Variants in MECOM observed in about 807,000 individuals in gnomAD.
MECOM encodes MDS1 and EVI1 complex locus.
Under a neutral mutation model 116.3 loss-of-function variants are expected in MECOM, and 13 were observed. The observed-to-expected ratio is 0.11, with a 90% CI of 0.07 to 0.18. The LOEUF (loss-of-function observed/expected upper bound fraction) is 0.18, where lower values mean the gene tolerates loss of function less well. Ranked by LOEUF, MECOM falls within the 10% of genes least tolerant of loss-of-function variation. The probability of loss-of-function intolerance (pLI) is 1.00; values close to 1 mark genes in which losing one functional copy is unlikely to be tolerated. For synonymous variants in MECOM, 528 were observed against 535.2 expected (o/e 0.99, Z 0.19); for missense variants, 1,299 against 1,509.0 (o/e 0.86, Z 2.31).
At chr3:169,502,090 T>G (rs181825029) in intron 1 of MECOM, among the ~76,000 whole-genome samples, 1 of 152,234 alleles carries the variant, frequency 6.6e-6, no homozygotes, top group East Asian at 1.9e-4. Context: ...TTGTAGTTAT[T>G]GTTTTCTCGC....
At chr3:169,390,049 A>G (rs1031300045) in intron 1 of MECOM, among the ~76,000 whole-genome samples, 1 of 152,190 alleles carries the variant, frequency 6.6e-6, no homozygotes, top group African/African-American at 2.4e-5. Flanking sequence ...AAGTCCTGGC[A>G]TGGAGTTGTG....
At chr3:169,630,287 G>T (rs1771925701) in intron 1 of MECOM, among the ~76,000 whole-genome samples, 1 of 152,076 alleles carries the variant, frequency 6.6e-6, no homozygotes, top group African/African-American at 2.4e-5. Flanking sequence ...GGATAAACAG[G>T]CTCAGGGTTT....
At chr3:169,550,817 T>C (rs111820168) in intron 1 of MECOM, among the ~76,000 whole-genome samples, 1,448 of 132,380 alleles carry the variant, frequency 0.011, 56 homozygotes, top group African/African-American at 0.037. Context: ...CAGGTTCCCT[T>C]TCCTTTTTTT....
At chr3:169,565,639 C>T (rs900570845) in intron 1 of MECOM, among the ~76,000 whole-genome samples, 2 of 152,150 alleles carry the variant, frequency 1.3e-5, no homozygotes, top group African/African-American at 4.8e-5. Flanking sequence ...TTCCCACTGA[C>T]AATGTTGTTT....
intron 10 of MECOM, among the ~76,000 whole-genome samples, chr3:169,103,805 T>C (rs1296561557): frequency 6.6e-6 from 1 of 152,158 alleles, no homozygotes; most frequent in Admixed American, 6.5e-5. Flanking sequence ...GGCCTGAACA[T>C]GATCTCTTCT....
intron 16 of MECOM, chr3:169,086,642 A>C (rs1296921690): frequency 1.4e-6 from 1 of 696,292 alleles, no homozygotes; most frequent in African/African-American, 1.8e-5. Context: ...ACTTACATAA[A>C]GTGTTTAGCT....
At chr3:169,310,689 T>C (rs1294052107) in intron 2 of MECOM, among the ~76,000 whole-genome samples, 1 of 152,234 alleles carries the variant, frequency 6.6e-6, no homozygotes, top group Non-Finnish European at 1.5e-5. Flanking sequence ...AATTGACTGA[T>C]CTACAGTCTC....
At chr3:169,396,978 A>T (rs779564387) in intron 1 of MECOM, among the ~76,000 whole-genome samples, 15 of 152,204 alleles carry the variant, frequency 9.9e-5, no homozygotes, top group South Asian at 8.3e-4. Flanking sequence ...ATCTCAAAAA[A>T]AAATAAATAA....
intron 1 of MECOM, among the ~76,000 whole-genome samples, chr3:169,476,462 C>T (rs1560325118): frequency 1.3e-5 from 2 of 152,108 alleles, no homozygotes; most frequent in Admixed American, 6.5e-5. Context: ...TTTGATAGAT[C>T]CCTGTCTGCC....
intron 1 of MECOM, among the ~76,000 whole-genome samples, chr3:169,481,467 C>T (rs1223349931): frequency 2.0e-5 from 3 of 152,018 alleles, no homozygotes; most frequent in Admixed American, 1.3e-4. Flanking sequence ...GCAGGAGAAT[C>T]GCTTGAACCT....
intron 2 of MECOM, among the ~76,000 whole-genome samples, chr3:169,270,713 A>G (rs780974261): frequency 2.2e-4 from 33 of 152,190 alleles, no homozygotes; most frequent in Admixed American, 3.9e-4. Flanking sequence ...ATTTAATCGT[A>G]TAAATTTAAA....
intron 1 of MECOM, among the ~76,000 whole-genome samples, chr3:169,386,621 A>G (rs1267188335): frequency 1.3e-5 from 2 of 152,182 alleles, no homozygotes; most frequent in Non-Finnish European, 2.9e-5. Flanking sequence ...GGAATCCACA[A>G]CAGCTGAACT....
rs186980666 is a variant in MECOM, at chr3:169,611,907, C to T, written c.37+51429G>A. ...CTATGATCCTCCAGAGTCTAGAACACGGTTTCTAAATCTCAACGCTATTGA... is the reference window on the plus strand; with the variant it reads ...CTATGATCCTCCAGAGTCTAGAACATGGTTTCTAAATCTCAACGCTATTGA... On this transcript the variant is annotated intron_variant, in intron 1 of 16. Transcript: ENST00000651503. This position sits in a 1 kb window ranked among gnomAD's most constrained non-coding sequence, Gnocchi z 4.1. Among the ~76,000 whole-genome samples, 11 of 152,262 alleles carry T rather than the reference C, an allele frequency of 7.2e-5. No homozygotes were observed. In the East Asian group the frequency reaches 1.9e-3, roughly 27 times the overall value.
Position 169,612,870 on chromosome 3 carries a change from G to A in MECOM, c.37+50466C>T, listed in dbSNP as rs550860394. 9.9e-5 allele frequency among the ~76,000 whole-genome samples: 15 copies of A among 152,142 alleles called. No homozygotes were observed. The South Asian group carries it at 1.4e-3, about 15-fold the overall frequency. ...TCCCCACAAGAGAAAGGGTTAGGCC[G>A]TAAGTCTGAATTCCTGACACAACAC... On this transcript the variant is annotated intron_variant, in intron 1 of 16. Coordinates refer to ENST00000651503, the MANE Select transcript of MECOM (RefSeq NM_004991.4).
At chr3:169,396,685 G>A (rs1169664670) in intron 1 of MECOM, among the ~76,000 whole-genome samples, 1 of 152,076 alleles carries the variant, frequency 6.6e-6, no homozygotes, top group African/African-American at 2.4e-5. Flanking sequence ...TTAAGAATTA[G>A]AATAGCAAGG....
intron 3 of MECOM, chr3:169,133,934 A>G: frequency 7.8e-7 from 1 of 1,289,612 alleles, no homozygotes; most frequent in African/African-American, 1.5e-5. Flanking sequence ...CATCTCTCAA[A>G]GGTTTAACTT....
At chr3:169,280,165 C>G (rs918992831) in intron 2 of MECOM, among the ~76,000 whole-genome samples, 11 of 152,196 alleles carry the variant, frequency 7.2e-5, no homozygotes, top group Non-Finnish European at 1.6e-4. Flanking sequence ...GAGGCACAAT[C>G]TAGAGTTAGG....
At chr3:169,628,129 G>T (rs1200333474) in intron 1 of MECOM, among the ~76,000 whole-genome samples, 2 of 152,146 alleles carry the variant, frequency 1.3e-5, no homozygotes, top group Non-Finnish European at 2.9e-5. Context: ...GAAACTTCGA[G>T]ACAGACACCT....
chr3:169,433,243 T>C (rs993385970), intron 1 of MECOM, among the ~76,000 whole-genome samples: 5 of 151,984 alleles, frequency 3.3e-5, no homozygotes, highest in African/African-American at 1.2e-4. Context: ...CCAAGGCGGG[T>C]GGATCACTTG....
Sources: gnomAD v4.1 joint callset for allele counts (sites outside exome capture counted in the v4.1 genomes callset) on GRCh38, gnomAD v4.1.1 for gene constraint, Gnocchi (gnomAD v3.1) non-coding constraint, MANE v1.5 for transcripts, NCBI Gene and HGNC (gene_info 2026-07-23, HGNC 2026-07-21) for gene names.